The following KCNAB1 variants were observed in gnomAD, a reference collection of about 807,000 sequenced individuals.
KCNAB1 encodes the protein potassium voltage-gated channel subfamily A regulatory beta subunit 1.
Under a neutral mutation model 64.6 loss-of-function variants are expected in KCNAB1, and 35 were observed. That is an observed-to-expected ratio of 0.54 (90% CI 0.41 to 0.72). The LOEUF (loss-of-function observed/expected upper bound fraction) is 0.72, where lower values mean the gene tolerates loss of function less well. Ranked by LOEUF, KCNAB1 falls within the 30% of genes least tolerant of loss-of-function variation. The pLI, the probability that KCNAB1 is intolerant of heterozygous loss-of-function variation, is 0.00. For missense variants in KCNAB1, 401 were observed against 512.9 expected, an observed-to-expected ratio of 0.78 and a Z score of 2.11; for synonymous variants, 177 against 183.8, an observed-to-expected ratio of 0.96 and a Z score of 0.30.
At chr3:156,454,546 G>A (rs1712247837) in intron 3 of KCNAB1, among the ~76,000 whole-genome samples, 2 of 152,160 alleles carry the variant, frequency 1.3e-5, no homozygotes, top group South Asian at 2.1e-4. Context: ...AAGTCCCTCG[G>A]TTCCAAAGGA....
intron 1 of KCNAB1, among the ~76,000 whole-genome samples, chr3:156,415,151 G>A (rs1253534808): frequency 6.6e-6 from 1 of 152,172 alleles, no homozygotes; most frequent in South Asian, 2.1e-4. Flanking sequence ...TTAGGCCAGG[G>A]AAGTGGGTCT....
At chr3:156,263,283 CA>C (rs1475009643) in intron 1 of KCNAB1, among the ~76,000 whole-genome samples, 1 of 151,986 alleles carries the variant, frequency 6.6e-6, no homozygotes, top group Non-Finnish European at 1.5e-5. Context: ...CAGTTTTCCT[CA>C]GAATGCTGCC....
At chr3:156,240,440 A>G (rs1717094967) in intron 1 of KCNAB1, among the ~76,000 whole-genome samples, 1 of 152,198 alleles carries the variant, frequency 6.6e-6, no homozygotes. Flanking sequence ...ATGAAAATAC[A>G]CAATTCCTGG....
chr3:156,290,982 G>A (rs1168787660), intron 1 of KCNAB1: 16 of 985,456 alleles, frequency 1.6e-5, no homozygotes, highest in Non-Finnish European at 1.9e-5. Flanking sequence ...GAGTATTCAC[G>A]TGTTAATTCA....
chr3:156,288,690 A>G (rs1307451726), intron 1 of KCNAB1, among the ~76,000 whole-genome samples: 1 of 152,198 alleles, frequency 6.6e-6, no homozygotes, highest in Non-Finnish European at 1.5e-5. Flanking sequence ...GCAGCCAGAA[A>G]GAGACTAGCA....
intron 1 of KCNAB1, among the ~76,000 whole-genome samples, chr3:156,209,993 A>T (rs933411091): frequency 2.6e-4 from 39 of 152,256 alleles, no homozygotes; most frequent in African/African-American, 9.4e-4. Context: ...TTAATTTAAA[A>T]CTACTAAATC....
At chr3:156,298,239 A>G (rs917064813) in intron 1 of KCNAB1, among the ~76,000 whole-genome samples, 16 of 152,044 alleles carry the variant, frequency 1.1e-4, no homozygotes, top group Non-Finnish European at 2.1e-4. Context: ...TTCCAGTTCT[A>G]TGGTTCTGGA....
chr3:156,434,591 G>GAA (rs966553856), intron 2 of KCNAB1, among the ~76,000 whole-genome samples: 1 of 148,868 alleles, frequency 6.7e-6, no homozygotes, highest in Non-Finnish European at 1.5e-5. Context: ...ATTGGGTGAG[G>GAA]AAAAAAAAAT....
chr3:156,198,940 T>G (rs1714143761), intron 1 of KCNAB1, among the ~76,000 whole-genome samples: 1 of 145,032 alleles, frequency 6.9e-6, no homozygotes, highest in African/African-American at 2.5e-5. Flanking sequence ...TTTTTTTTTT[T>G]TTTAGTGGCT....
At chr3:156,135,690 G>T (rs1714303985) in intron 1 of KCNAB1, among the ~76,000 whole-genome samples, 2 of 152,132 alleles carry the variant, frequency 1.3e-5, no homozygotes, top group African/African-American at 4.8e-5. Flanking sequence ...AAAATTTTAG[G>T]CTTGCTTTTG....
At chr3:156,229,864 T>C (rs1232695626) in intron 1 of KCNAB1, among the ~76,000 whole-genome samples, 1 of 152,220 alleles carries the variant, frequency 6.6e-6, no homozygotes. Flanking sequence ...AAAAAGTTTT[T>C]TTTTTTAAGA....
intron 1 of KCNAB1, among the ~76,000 whole-genome samples, chr3:156,223,570 T>C (rs972394194): frequency 2.0e-5 from 3 of 152,208 alleles, no homozygotes; most frequent in African/African-American, 7.2e-5. Flanking sequence ...AGGGTGCTGA[T>C]TGGTGCATTT....
chr3:156,286,056 C>T (rs1009026646), intron 1 of KCNAB1, among the ~76,000 whole-genome samples: 3 of 152,200 alleles, frequency 2.0e-5, no homozygotes, highest in Admixed American at 6.5e-5. Context: ...TTCAGAGTTT[C>T]TCAGTGGAGG....
chr3:156,361,868 C>T (rs1725636399), intron 1 of KCNAB1, among the ~76,000 whole-genome samples: 1 of 152,162 alleles, frequency 6.6e-6, no homozygotes. Context: ...CTATGTTGCC[C>T]AGGCTGGTCT....
chr3:156,226,243 A>C (rs763752008), intron 1 of KCNAB1, among the ~76,000 whole-genome samples: 13 of 152,252 alleles, frequency 8.5e-5, no homozygotes, highest in Non-Finnish European at 1.5e-4. Context: ...AACAGAATAG[A>C]GAACCCAGAA....
intron 8 of KCNAB1, among the ~76,000 whole-genome samples, chr3:156,484,442 G>A (rs1291550079): frequency 6.6e-6 from 1 of 152,126 alleles, no homozygotes; most frequent in East Asian, 1.9e-4. Flanking sequence ...GAGCTGCTTA[G>A]TATTCTGGGG....
chr3:156,119,303 G>A (rs1412002367), upstream of KCNAB1, among the ~76,000 whole-genome samples: 2 of 152,164 alleles, frequency 1.3e-5, no homozygotes, highest in Admixed American at 6.5e-5. Context: ...CCATGTGACC[G>A]AGGTGACCAC....
intron 1 of KCNAB1, among the ~76,000 whole-genome samples, chr3:156,296,189 A>C (rs1208289735): frequency 1.3e-5 from 2 of 152,224 alleles, no homozygotes; most frequent in Non-Finnish European, 2.9e-5. Flanking sequence ...TCATCCTAAG[A>C]AGAGCAAATC....
chr3:156,242,028 CTGT>C (rs943013794), intron 1 of KCNAB1, among the ~76,000 whole-genome samples: 7 of 152,126 alleles, frequency 4.6e-5, no homozygotes, highest in East Asian at 3.9e-4. Flanking sequence ...CCTATTTGGC[CTGT>C]TGTTGTTGTT....
Sources: gnomAD v4.1 joint callset for allele counts (sites outside exome capture counted in the v4.1 genomes callset) on GRCh38, gnomAD v4.1.1 for gene constraint, MANE v1.5 for transcripts, NCBI Gene and HGNC (gene_info 2026-07-23, HGNC 2026-07-21) for gene names.